Variants in KIAA1671 observed in about 807,000 individuals in gnomAD.
The protein encoded by KIAA1671 is KIAA1671.
In KIAA1671, 52 loss-of-function variants were observed where a neutral mutation model predicts 131.2. The observed-to-expected ratio is 0.40, with a 90% CI of 0.32 to 0.50. KIAA1671 has a LOEUF of 0.50. Among genes scored for constraint, KIAA1671 ranks in the 20% least tolerant of loss-of-function variants. The pLI is 0.73. For missense variants in KIAA1671, 2,360 were observed against 2,364.2 expected (o/e 1.00, Z 0.04); for synonymous variants, 1,003 against 961.6 (o/e 1.04, Z -0.80).
chr22:25,074,275 A>C (rs1369737541), intron 6 of KIAA1671, among the ~76,000 whole-genome samples: 1 of 151,108 alleles, frequency 6.6e-6, no homozygotes, highest in Non-Finnish European at 1.5e-5. Flanking sequence ...GAGGCCAAGG[A>C]GGGTGGATCA....
At chr22:25,048,426 G>GT (rs1225771374) in intron 5 of KIAA1671, among the ~76,000 whole-genome samples, 1 of 152,182 alleles carries the variant, frequency 6.6e-6, no homozygotes, top group Non-Finnish European at 1.5e-5. Context: ...GAGCCAGGGG[G>GT]TTAGGAGGAA....
chr22:25,184,032 C>T (rs1237931226), intron 10 of KIAA1671, among the ~76,000 whole-genome samples: 7 of 152,210 alleles, frequency 4.6e-5, no homozygotes, highest in Admixed American at 4.6e-4. Context: ...AGCTCCAGTC[C>T]ACTGTGCTCT....
At chr22:25,109,412 ACTT>A (rs1229717721) in intron 6 of KIAA1671, among the ~76,000 whole-genome samples, 3 of 151,914 alleles carry the variant, frequency 2.0e-5, no homozygotes, top group African/African-American at 2.4e-5. Context: ...CTGGCCCATC[ACTT>A]CTTCTTTACT....
chr22:25,089,259 GTGTT>G (rs1929893948), intron 6 of KIAA1671, among the ~76,000 whole-genome samples: 1 of 143,564 alleles, frequency 7.0e-6, no homozygotes, highest in South Asian at 2.2e-4. Flanking sequence ...CTGTGTGTGT[GTGTT>G]TAATTTTTTT....
chr22:25,090,293 G>A (rs1433056830), intron 6 of KIAA1671, among the ~76,000 whole-genome samples: 1 of 152,198 alleles, frequency 6.6e-6, no homozygotes, highest in African/African-American at 2.4e-5. Flanking sequence ...CACCCTGCAC[G>A]TGGCCGGTGT....
chr22:25,103,418 G>A (rs760647269), intron 6 of KIAA1671, among the ~76,000 whole-genome samples: 13 of 152,124 alleles, frequency 8.5e-5, no homozygotes, highest in East Asian at 1.9e-4. Context: ...GAGGGCAGTC[G>A]TGTGATCTCA....
intron 6 of KIAA1671, among the ~76,000 whole-genome samples, chr22:25,081,397 T>C (rs1373043033): frequency 6.6e-6 from 1 of 152,182 alleles, no homozygotes; most frequent in African/African-American, 2.4e-5. Context: ...CACCTGACGA[T>C]GAGAAACTCC....
intron 7 of KIAA1671, among the ~76,000 whole-genome samples, chr22:25,171,704 G>A (rs1415639828): frequency 1.3e-5 from 2 of 151,820 alleles, no homozygotes; most frequent in Non-Finnish European, 1.5e-5. Context: ...GGGCGACAGA[G>A]AGAGACACCT....
intron 1 of KIAA1671, among the ~76,000 whole-genome samples, chr22:24,984,933 AAAAAG>A (rs1025737495): frequency 2.6e-5 from 4 of 151,382 alleles, no homozygotes; most frequent in Non-Finnish European, 5.9e-5. Context: ...AAAAAAAAAA[AAAAAG>A]CAGGCAAACA....
intron 1 of KIAA1671, chr22:25,010,798 A>C (rs1039843760): frequency 6.6e-6 from 1 of 152,206 alleles, no homozygotes; most frequent in East Asian, 1.9e-4. Context: ...TTTTTCACAT[A>C]AAAAATCAAG....
intron 6 of KIAA1671, chr22:25,062,098 G>A (rs1380093998): frequency 6.6e-6 from 1 of 150,796 alleles, no homozygotes; most frequent in African/African-American, 2.4e-5. Context: ...TGTTGCCAAG[G>A]CTGGTATTGA....
At chr22:24,959,480 C>G (rs1326054798) in intron 1 of KIAA1671, among the ~76,000 whole-genome samples, 1 of 152,058 alleles carries the variant, frequency 6.6e-6, no homozygotes, top group African/African-American at 2.4e-5. Flanking sequence ...CTAGATGGTG[C>G]CACTGCACTC....
chr22:24,991,330 TC>T (rs1923830091), intron 1 of KIAA1671, among the ~76,000 whole-genome samples: 1 of 151,792 alleles, frequency 6.6e-6, no homozygotes, highest in Non-Finnish European at 1.5e-5. Context: ...GCCCCTTTCT[TC>T]CTTATTTTTA....
chr22:25,051,830 C>T (rs1927549278), intron 6 of KIAA1671: 1 of 152,278 alleles, frequency 6.6e-6, no homozygotes, highest in South Asian at 2.1e-4. Flanking sequence ...CTATGATTCC[C>T]ATCACTGCTT....
chr22:25,067,080 G>T (rs546692145), intron 6 of KIAA1671, among the ~76,000 whole-genome samples: 2 of 152,254 alleles, frequency 1.3e-5, no homozygotes, highest in Non-Finnish European at 2.9e-5. Context: ...GCCAGAGCAG[G>T]ATAACCAGGA....
intron 6 of KIAA1671, among the ~76,000 whole-genome samples, chr22:25,159,370 A>G (rs1933358531): frequency 6.6e-6 from 1 of 152,152 alleles, no homozygotes; most frequent in Non-Finnish European, 1.5e-5. Context: ...TATGCGATGT[A>G]GGACCTTCCC....
chr22:24,960,299 C>A (rs1921947053), intron 1 of KIAA1671, among the ~76,000 whole-genome samples: 1 of 151,118 alleles, frequency 6.6e-6, no homozygotes, highest in East Asian at 2.0e-4. Context: ...GCCTGTAATC[C>A]CAGCACTTTA....
rs1924558222 is a variant in KIAA1671, at chr22:25,003,028, C to A, written c.-207-22605C>A. 2.0e-5 allele frequency among the ~76,000 whole-genome samples: 3 copies of A among 152,200 alleles called. No homozygotes were observed. The South Asian group carries it at 6.2e-4, about 31-fold the overall frequency. On this transcript the variant is annotated intron_variant, in intron 1 of 12. Coordinates refer to ENST00000358431, the MANE Select transcript of KIAA1671 (RefSeq NM_001145206.2). The stretch of plus-strand genomic sequence containing the variant: ...CTCAAAGTGATCCATCCGCCTCGGC[C>A]TCCCAAAGTGCTGGGATTACAGGCA...
chr22:25,150,166 C>G (rs1432739250), intron 6 of KIAA1671, among the ~76,000 whole-genome samples: 1 of 152,258 alleles, frequency 6.6e-6, no homozygotes, highest in Non-Finnish European at 1.5e-5. Flanking sequence ...AGCTCCCTCT[C>G]TATCCTGAGT....
Sources: gnomAD v4.1 joint callset for allele counts (sites outside exome capture counted in the v4.1 genomes callset) on GRCh38, gnomAD v4.1.1 for gene constraint, MANE v1.5 for transcripts, NCBI Gene and HGNC (gene_info 2026-07-23, HGNC 2026-07-21) for gene names.